Variants in KCNIP4 observed in about 807,000 individuals in gnomAD.
The protein encoded by KCNIP4 is potassium voltage-gated channel interacting protein 4, also known as Kv channel-interacting protein 4.
Under a neutral mutation model 34.0 loss-of-function variants are expected in KCNIP4, and 12 were observed. The observed-to-expected ratio is 0.35, with a 90% CI of 0.23 to 0.57. KCNIP4 has a LOEUF of 0.57. Ranked by LOEUF, KCNIP4 falls within the 20% of genes least tolerant of loss-of-function variation. KCNIP4 has a pLI of 0.83. For missense variants in KCNIP4, 238 were observed against 311.7 expected (o/e 0.76, Z 1.78); for synonymous variants, 124 against 102.2 (o/e 1.21, Z -1.29).
intron 1 of KCNIP4, among the ~76,000 whole-genome samples, chr4:21,237,226 G>C (rs73109478): frequency 6.6e-6 from 1 of 152,094 alleles, no homozygotes; most frequent in Non-Finnish European, 1.5e-5. Flanking sequence ...GCTGGGTGAT[G>C]TGCTAAGGTG....
Position 20,729,960 on chromosome 4 carries a change from C to CTTGT in KCNIP4, c.*118_*121dup, listed in dbSNP as rs1430131623. 3.4e-6 allele frequency: 4 copies of CTTGT among 1,163,646 alleles called. No homozygotes were observed. Among genetic ancestry groups the CTTGT allele is most frequent in the East Asian group, 2.7e-5 (1 of 36,612 alleles). 72.1% of individuals were successfully genotyped at this position (1,163,646 alleles called of 1,614,324 possible). On this transcript the variant is annotated 3_prime_UTR_variant, in exon 9 of 9. Coordinates refer to ENST00000382152, the MANE Select transcript of KCNIP4 (RefSeq NM_025221.6). The stretch of plus-strand genomic sequence containing the variant: ...GGGATTGCTTTATATTAAAACAAAG[C>CTTGT]TTGTTTGCATAATATGCTTCAGTGT...
chr4:21,395,437 C>G (rs905210294), intron 1 of KCNIP4, among the ~76,000 whole-genome samples: 3 of 152,096 alleles, frequency 2.0e-5, no homozygotes, highest in East Asian at 1.9e-4. Flanking sequence ...TCTCCCCCAC[C>G]CCTTTCCTTT....
intron 1 of KCNIP4, among the ~76,000 whole-genome samples, chr4:21,116,358 C>T (rs1749674871): frequency 6.6e-6 from 1 of 152,066 alleles, no homozygotes; most frequent in Non-Finnish European, 1.5e-5. Context: ...CTAATTCGTT[C>T]ATTCATTCAT....
At chr4:21,621,693 G>A (rs1745008758) in intron 1 of KCNIP4, among the ~76,000 whole-genome samples, 1 of 152,020 alleles carries the variant, frequency 6.6e-6, no homozygotes, top group African/African-American at 2.4e-5. Context: ...GGCAAAAGGA[G>A]GTTTTCACAA....
chr4:20,846,224 G>A (rs1720351337), intron 3 of KCNIP4, among the ~76,000 whole-genome samples: 1 of 152,158 alleles, frequency 6.6e-6, no homozygotes, highest in Non-Finnish European at 1.5e-5. Context: ...AGATTCCATA[G>A]AAGAAGGAAC....
chr4:21,663,043 G>A (rs1010823746), intron 1 of KCNIP4, among the ~76,000 whole-genome samples: 76 of 152,204 alleles, frequency 5.0e-4, no homozygotes, highest in African/African-American at 1.8e-3. Context: ...TTTTGATCAG[G>A]CAAGTGGGAG....
At chr4:21,563,936 C>T (rs897515633) in intron 1 of KCNIP4, among the ~76,000 whole-genome samples, 7 of 151,956 alleles carry the variant, frequency 4.6e-5, no homozygotes, top group African/African-American at 7.3e-5. Flanking sequence ...AAAAGAATCA[C>T]GTAAATTGTT....
chr4:21,327,047 A>G (rs1715156242), intron 1 of KCNIP4, among the ~76,000 whole-genome samples: 1 of 151,982 alleles, frequency 6.6e-6, no homozygotes, highest in Admixed American at 6.6e-5. Flanking sequence ...CTTATCCTTT[A>G]GTGCTTTTAC....
At chr4:21,667,882 G>T (rs1259463286) in intron 1 of KCNIP4, among the ~76,000 whole-genome samples, 1 of 152,120 alleles carries the variant, frequency 6.6e-6, no homozygotes, top group African/African-American at 2.4e-5. Flanking sequence ...ATTGTACAGA[G>T]GTTCACCTTC....
At chr4:21,068,129 A>C (rs1472241145) in intron 1 of KCNIP4, among the ~76,000 whole-genome samples, 1 of 152,172 alleles carries the variant, frequency 6.6e-6, no homozygotes, top group Non-Finnish European at 1.5e-5. Flanking sequence ...CAATGCTCCA[A>C]GGGTGGTCTG....
intron 1 of KCNIP4, chr4:20,983,872 C>A (rs1560621760): frequency 6.5e-7 from 1 of 1,536,310 alleles, no homozygotes; most frequent in Non-Finnish European, 8.7e-7. Flanking sequence ...CACATATAAT[C>A]ACAACAATAC....
chr4:21,242,602 A>T (rs922678848), intron 1 of KCNIP4, among the ~76,000 whole-genome samples: 1 of 152,138 alleles, frequency 6.6e-6, no homozygotes, highest in Non-Finnish European at 1.5e-5. Flanking sequence ...TGAGAGTCTG[A>T]ATAGAACAAA....
chr4:21,636,701 CT>C (rs1013392007), intron 1 of KCNIP4, among the ~76,000 whole-genome samples: 1 of 152,164 alleles, frequency 6.6e-6, no homozygotes, highest in African/African-American at 2.4e-5. Flanking sequence ...TTAGATCTTA[CT>C]TTTTCTAACA....
Position 20,855,666 on chromosome 4 carries a change from C to CAA in KCNIP4, c.164-5001_164-5000dup, listed in dbSNP as rs138881464. On this transcript the variant is annotated intron_variant, in intron 2 of 8. Transcript: ENST00000382152. The stretch of plus-strand genomic sequence containing the variant: ...TTAATTATTGCCCTCAAGGAGTTTA[C>CAA]AAAAAAAAAATTGGTGATGAAACAA... 7.2e-3 allele frequency among the ~76,000 whole-genome samples: 1,061 copies of CAA among 147,490 alleles called. 11 individuals carry two copies. The highest frequency in any genetic ancestry group is 0.025 in the African/African-American group (1,010 of 40,530).
chr4:21,331,320 C>T (rs1431977578), intron 1 of KCNIP4, among the ~76,000 whole-genome samples: 2 of 151,984 alleles, frequency 1.3e-5, no homozygotes, highest in Non-Finnish European at 2.9e-5. Context: ...TTGTGTCTTC[C>T]TTCCCTTCCT....
At chr4:21,932,116 CAT>C (rs1429800809) in intron 1 of KCNIP4, among the ~76,000 whole-genome samples, 5 of 152,090 alleles carry the variant, frequency 3.3e-5, no homozygotes, top group African/African-American at 9.7e-5. Flanking sequence ...AAAATGTCCA[CAT>C]GTTAGTGTGG....
chr4:21,747,505 G>A (rs892115680), intron 1 of KCNIP4, among the ~76,000 whole-genome samples: 14 of 152,130 alleles, frequency 9.2e-5, no homozygotes, highest in Admixed American at 6.6e-5. Context: ...GCAGGTTATA[G>A]AGTACTGTGC....
At chr4:21,536,735 C>T (rs928844113) in intron 1 of KCNIP4, among the ~76,000 whole-genome samples, 1 of 151,644 alleles carries the variant, frequency 6.6e-6, no homozygotes, top group East Asian at 1.9e-4. Context: ...GAGCCGAGAT[C>T]ACGCCACTGC....
At chr4:21,782,510 A>G (rs1719633147) in intron 1 of KCNIP4, among the ~76,000 whole-genome samples, 1 of 152,132 alleles carries the variant, frequency 6.6e-6, no homozygotes, top group Admixed American at 6.6e-5. Flanking sequence ...CCTGAGCTAC[A>G]TGGTGAGACT....
Sources: allele counts gnomAD v4.1 joint callset (sites outside exome capture counted in the v4.1 genomes callset), GRCh38; gene constraint gnomAD v4.1.1; transcripts MANE v1.5; gene names NCBI Gene and HGNC (gene_info 2026-07-23, HGNC 2026-07-21).